Variants in APP observed in about 807,000 individuals in gnomAD.
APP encodes amyloid-beta precursor protein.
APP carries 31 observed loss-of-function variants against 101.4 expected under a neutral mutation model. The ratio of observed to expected loss-of-function variants is 0.31; its 90% confidence interval spans 0.23 to 0.41. The LOEUF (loss-of-function observed/expected upper bound fraction) is 0.41. Among genes scored for constraint, APP ranks in the 10% least tolerant of loss-of-function variants. The pLI, the probability that APP is intolerant of heterozygous loss-of-function variation, is 1.00. For missense variants in APP, 839 were observed against 1,003.7 expected, an observed-to-expected ratio of 0.84 and a Z score of 2.22; for synonymous variants, 366 against 364.4, an observed-to-expected ratio of 1.00 and a Z score of -0.05.
At chr21:26,011,076 TTTA>T (rs2043784730) in intron 6 of APP, among the ~76,000 whole-genome samples, 6 of 147,970 alleles carry the variant, frequency 4.1e-5, no homozygotes, top group Non-Finnish European at 8.8e-5. Flanking sequence ...CTTTTTTATT[TTTA>T]TTTATTTATT....
chr21:26,058,779 A>G (rs547900428), intron 3 of APP, among the ~76,000 whole-genome samples: 1 of 152,226 alleles, frequency 6.6e-6, no homozygotes, highest in Admixed American at 6.5e-5. Flanking sequence ...CTAAAAATAA[A>G]TGTTTAAAAT....
At chr21:26,164,635 C>T (rs879510953) in intron 1 of APP, among the ~76,000 whole-genome samples, 21 of 152,076 alleles carry the variant, frequency 1.4e-4, no homozygotes, top group Non-Finnish European at 3.1e-4. Context: ...GGGCAGATCA[C>T]TTGAGGTCAG....
At chr21:25,910,899 T>C (rs1249606641) in intron 14 of APP, among the ~76,000 whole-genome samples, 1 of 152,266 alleles carries the variant, frequency 6.6e-6, no homozygotes, top group East Asian at 1.9e-4. Context: ...AAGACTACTT[T>C]GGTGCCTGTC....
chr21:26,112,578 C>A (rs968439360), intron 1 of APP, among the ~76,000 whole-genome samples: 1 of 152,242 alleles, frequency 6.6e-6, no homozygotes, highest in African/African-American at 2.4e-5. Flanking sequence ...ATGACCAAGA[C>A]TGAAAATAAT....
rs6516711 is a variant in APP at position 25,918,744 on chromosome 21, G to T, written c.1688-6782C>A. Among the ~76,000 whole-genome samples the T allele has an allele frequency of 4.3e-3, 654 of 150,550 alleles. 4 individuals are homozygous for T. The highest frequency in any genetic ancestry group is 0.013 in the African/African-American group (535 of 41,124). On this transcript the variant is annotated intron_variant, in intron 13 of 17. Transcript: ENST00000346798. ...CGGAGGGTCCTACGCCCACGGAATC[G>T]CGCTGATTGCTAGCACAGCAGTCTG...
rs561233242 is a variant in APP, at chr21:26,099,283, C to T, written c.226-9211G>A. The stretch of plus-strand genomic sequence containing the variant: ...TATACCAAATTGTTTCAGAGATAGC[C>T]TATCTTGTATATTTTCATCGTCTCA... On this transcript the variant is annotated intron_variant, in intron 2 of 17. Coordinates refer to ENST00000346798, the MANE Select transcript of APP (RefSeq NM_000484.4). 6.6e-4 allele frequency among the ~76,000 whole-genome samples: 100 copies of T among 152,210 alleles called. 2 individuals carry two copies. Among genetic ancestry groups the T allele is most frequent in the South Asian group, 2.3e-3 (11 of 4,822 alleles).
chr21:26,130,058 T>C (rs2062761102), intron 1 of APP, among the ~76,000 whole-genome samples: 1 of 152,228 alleles, frequency 6.6e-6, no homozygotes, highest in African/African-American at 2.4e-5. Context: ...TGAGATGTTA[T>C]ATTGAAACGT....
chr21:26,051,004 C>G lies in APP; in HGVS notation c.658G>C (p.Gly220Arg). 1 of 1,614,168 alleles carries G rather than the reference C, an allele frequency of 6.2e-7. No individual in the cohort carries two copies. Among genetic ancestry groups the G allele is most frequent in the South Asian group, 1.1e-5 (1 of 91,074 alleles). ...TGAACACAAAGGCCACCTTACCTCCCATCTGCATAGTCTGTGTCTGCTCCG... is the reference window on the plus strand; with the variant it reads ...TGAACACAAAGGCCACCTTACCTCCGATCTGCATAGTCTGTGTCTGCTCCG... Reference protein sequence around the residue: ...WGGADTDYADGSEDKVVEVAE... With the variant: ...WGGADTDYADRSEDKVVEVAE... Residue 220 changes from glycine (G) to arginine (R), a missense_variant, in exon 5 of 18, where the codon GGG (glycine) becomes CGG (arginine). Gly to Arg is a moderately radical substitution (Grantham distance 125). Transcript: ENST00000346798.
At chr21:26,137,034 AAGAGATCCTCCCG>A (rs1221994100) in intron 1 of APP, among the ~76,000 whole-genome samples, 19 of 128,750 alleles carry the variant, frequency 1.5e-4, no homozygotes, top group East Asian at 8.7e-4. Flanking sequence ...TCCTGGGTTC[AAGAGATCCTCCCG>A]CCTCCACCTC....
intron 5 of APP, among the ~76,000 whole-genome samples, chr21:26,034,721 C>T (rs936246167): frequency 1.1e-4 from 17 of 150,954 alleles, no homozygotes; most frequent in African/African-American, 3.9e-4. Context: ...CTATTATTGA[C>T]TAGAGAGACC....
chr21:26,013,526 G>T (rs1001379282), intron 6 of APP, among the ~76,000 whole-genome samples: 3 of 150,158 alleles, frequency 2.0e-5, no homozygotes, highest in African/African-American at 7.4e-5. Flanking sequence ...ATATGAGAAA[G>T]ACTAATATTC....
intron 9 of APP, among the ~76,000 whole-genome samples, chr21:25,978,441 TA>T (rs978339670): frequency 5.9e-5 from 9 of 152,270 alleles, no homozygotes; most frequent in Middle Eastern, 3.4e-3. Flanking sequence ...CATCCCATTT[TA>T]CGAACCAGGT....
chr21:25,954,769 T>C (rs2146489638), intron 12 of APP, 80 bp from the exon 13 acceptor site: 1 of 1,291,930 alleles, frequency 7.7e-7, no homozygotes. Context: ...TTTCTTTTTT[T>C]TTTGAGACGG....
At chr21:26,166,047 T>G (rs368885229) in intron 1 of APP, among the ~76,000 whole-genome samples, 4 of 152,146 alleles carry the variant, frequency 2.6e-5, no homozygotes. Context: ...AGAGGAAAAT[T>G]TGCCAAACTT....
At chr21:26,107,469 C>T (rs979352834) in intron 2 of APP, among the ~76,000 whole-genome samples, 3 of 152,234 alleles carry the variant, frequency 2.0e-5, no homozygotes. Flanking sequence ...ACTTCAACTG[C>T]TTTCCGTTTG....
At chr21:25,973,684 T>C (rs919435040) in intron 11 of APP, among the ~76,000 whole-genome samples, 1 of 152,096 alleles carries the variant, frequency 6.6e-6, no homozygotes, top group Non-Finnish European at 1.5e-5. Context: ...GGTTCACGCC[T>C]GTAATCCCAG....
chr21:25,945,746 G>T (rs1451626097), intron 13 of APP: 2 of 360,034 alleles, frequency 5.6e-6, no homozygotes, highest in Non-Finnish European at 1.1e-5. Flanking sequence ...TTGCCCAGGT[G>T]GCGTGATCAA....
At chr21:26,086,529 T>C (rs953580696) in intron 3 of APP, among the ~76,000 whole-genome samples, 3 of 148,034 alleles carry the variant, frequency 2.0e-5, no homozygotes. Flanking sequence ...ACGCTTAATG[T>C]TTAAGATAAT....
chr21:25,905,427 TC>T (rs111708022), intron 14 of APP, among the ~76,000 whole-genome samples: 50 of 152,242 alleles, frequency 3.3e-4, no homozygotes, highest in African/African-American at 1.2e-3. Flanking sequence ...AATAAAATAT[TC>T]CCAGCCTAGC....
Sources: allele counts gnomAD v4.1 joint callset (sites outside exome capture counted in the v4.1 genomes callset), GRCh38; gene constraint gnomAD v4.1.1; transcripts MANE v1.5; gene names NCBI Gene and HGNC (gene_info 2026-07-23, HGNC 2026-07-21).